The following AKTIP variants were observed in gnomAD, a reference collection of about 807,000 sequenced individuals.
The protein encoded by AKTIP is AKT-interacting protein.
AKTIP carries 16 observed loss-of-function variants against 39.1 expected under a neutral mutation model. That is an observed-to-expected ratio of 0.41 (90% CI 0.28 to 0.62). AKTIP has a LOEUF of 0.62. Ranked by LOEUF, AKTIP falls within the 20% of genes least tolerant of loss-of-function variation. The probability of loss-of-function intolerance (pLI) is 0.32; values close to 1 mark genes in which losing one functional copy is unlikely to be tolerated. For missense variants in AKTIP, 262 were observed against 356.6 expected (o/e 0.73, Z 2.14); for synonymous variants, 93 against 124.3 (o/e 0.75, Z 1.67).
chr16:53,498,279 T>C, intron 3 of AKTIP, 112 bp downstream of exon 3: 2 of 1,101,836 alleles, frequency 1.8e-6, no homozygotes, highest in East Asian at 4.7e-5. Context: ...AAGGGACAGG[T>C]TTGAGCTTTG....
At position 53,495,065 on chromosome 16, in the gene AKTIP, C is replaced by T. The variant is rs1961746988; in HGVS notation, c.414+8G>A. 6.2e-7 allele frequency: 1 copy of T among 1,611,376 alleles called. No individual in the cohort carries two copies. The highest frequency in any genetic ancestry group is 1.3e-5 in the African/African-American group (1 of 74,864). On this transcript the variant is annotated splice_region_variant and intron_variant, in intron 5 of 9. Transcript: ENST00000394657. ...CACAAATAAAGCCAGACTGTGTCTCCAACTTACTGGACAGTCACCATCTGG... is the reference window on the plus strand; with the variant it reads ...CACAAATAAAGCCAGACTGTGTCTCTAACTTACTGGACAGTCACCATCTGG...
intron 3 of AKTIP, 59 bp from the exon 4 acceptor site, chr16:53,495,385 C>G: frequency 6.6e-7 from 1 of 1,521,334 alleles, no homozygotes; most frequent in Non-Finnish European, 9.1e-7. Context: ...GCAGATCAAA[C>G]CACCCCACAT....
At chr16:53,499,487 GCT>G (rs746117232) in intron 2 of AKTIP, among the ~76,000 whole-genome samples, 21 of 135,724 alleles carry the variant, frequency 1.5e-4, no homozygotes, top group Non-Finnish European at 2.6e-4. Flanking sequence ...ATGGAGTCTT[GCT>G]CTGTTGCCCA....
Position 53,495,180 on chromosome 16 carries a change from G to GA in AKTIP, c.314-8dup. 1 of 1,611,950 alleles carries GA rather than the reference G, an allele frequency of 6.2e-7. No individual in the cohort carries two copies. The highest frequency in any genetic ancestry group is 8.5e-7 in the Non-Finnish European group (1 of 1,178,806). ...AATATTACTCCAAACCACACTGTAG[G>GA]AAAAAATAAAAGAGTTAAGGCCTAA... On this transcript the variant is annotated splice_region_variant and splice_polypyrimidine_tract_variant and intron_variant, in intron 4 of 9. Coordinates refer to ENST00000394657, the MANE Select transcript of AKTIP (RefSeq NM_022476.4).
rs2150853819 is a variant in AKTIP, at chr16:53,495,059, T to C, written c.414+14A>G. On this transcript the variant is annotated intron_variant, in intron 5 of 9. Coordinates refer to ENST00000394657, the MANE Select transcript of AKTIP (RefSeq NM_022476.4). The stretch of plus-strand genomic sequence containing the variant: ...CTGATCCACAAATAAAGCCAGACTG[T>C]GTCTCCAACTTACTGGACAGTCACC... The C allele has an allele frequency of 6.2e-7, 1 of 1,606,818 alleles. No homozygotes were observed.
intron 2 of AKTIP, 86 bp from the exon 3 acceptor site, chr16:53,498,682 G>A: frequency 1.5e-6 from 2 of 1,328,140 alleles, no homozygotes; most frequent in East Asian, 2.3e-5. Context: ...CCTAAATGCT[G>A]GAATTACTCC....
chr16:53,495,528 C>G lies in AKTIP; in HGVS notation c.249-202G>C, dbSNP rs142159878. ...CCTGATCGCTGCCCACTACTGGCCT[C>G]ATAGCAGCAGCTCACAGAGAAACCA... On this transcript the variant is annotated intron_variant, in intron 3 of 9. Coordinates refer to ENST00000394657, the MANE Select transcript of AKTIP (RefSeq NM_022476.4). Among the ~76,000 whole-genome samples, 274 of 152,320 alleles carry G rather than the reference C, an allele frequency of 1.8e-3. 2 individuals are homozygous for G. In the Middle Eastern group the frequency reaches 0.02, roughly 11 times the overall value.
chr16:53,494,944 C>T (rs79779478), intron 5 of AKTIP, 129 bp downstream of exon 5: 307 of 873,392 alleles, frequency 3.5e-4, no homozygotes, highest in Non-Finnish European at 5.3e-4. Flanking sequence ...GCACAGAAGT[C>T]CCCCTGGACA....
At chr16:53,493,977 C>A in intron 8 of AKTIP, 161 bp downstream of exon 8, 1 of 598,828 alleles carries the variant, frequency 1.7e-6, no homozygotes. Flanking sequence ...AGAAGAGCCT[C>A]AAGAGGCATC....
chr16:53,494,802 C>T, intron 5 of AKTIP, 197 bp from the exon 6 acceptor site: 2 of 698,934 alleles, frequency 2.9e-6, no homozygotes, highest in Non-Finnish European at 5.0e-6. Context: ...GGGGAAAACT[C>T]CCTCTCCTCC....
At chr16:53,496,321 C>A (rs1961830079) in intron 3 of AKTIP, among the ~76,000 whole-genome samples, 1 of 152,028 alleles carries the variant, frequency 6.6e-6, no homozygotes, top group African/African-American at 2.4e-5. Flanking sequence ...TTAATCACCC[C>A]AATAGACGCC....
At chr16:53,503,708 C>A (rs963619011), upstream of AKTIP, among the ~76,000 whole-genome samples, 1 of 152,200 alleles carries the variant, frequency 6.6e-6, no homozygotes, top group Non-Finnish European at 1.5e-5. Context: ...CGCGACTGCC[C>A]AGTGGCTCCC....
In AKTIP at chr16:53,500,300, C is replaced by A; in HGVS notation, c.-41G>T. 1 of 1,603,764 alleles carries A rather than the reference C, an allele frequency of 6.2e-7. No homozygotes were observed. The highest frequency in any genetic ancestry group is 8.5e-7 in the Non-Finnish European group (1 of 1,176,870). ...CAAAGAAAGTCAGTGGTGTATCATC[C>A]AAATCTTCTGTCTTCGGCATTCACT... is the stretch of plus-strand genomic sequence containing the variant. On this transcript the variant is annotated 5_prime_UTR_variant, in exon 2 of 10. Coordinates refer to ENST00000394657, the MANE Select transcript of AKTIP (RefSeq NM_022476.4).
intron 8 of AKTIP, 22 bp from the exon 9 acceptor site, chr16:53,492,775 T>C: frequency 6.2e-7 from 1 of 1,606,606 alleles, no homozygotes; most frequent in Non-Finnish European, 8.5e-7. Flanking sequence ...GAAAAGTATT[T>C]AAAAACTATT....
chr16:53,501,150 TAAGAG>T (rs1421805151), intron 1 of AKTIP: 1 of 152,056 alleles, frequency 6.6e-6, no homozygotes, highest in African/African-American at 2.4e-5. Flanking sequence ...GCCAAAGAAA[TAAGAG>T]AAAACAGGAA....
chr16:53,499,550 C>T (rs1962046088), intron 2 of AKTIP, among the ~76,000 whole-genome samples: 1 of 151,364 alleles, frequency 6.6e-6, no homozygotes, highest in Admixed American at 6.6e-5. Context: ...AGCTTTGCCT[C>T]CTGGGTTGAC....
chr16:53,497,200 C>T (rs565607709), intron 3 of AKTIP, among the ~76,000 whole-genome samples: 1 of 152,218 alleles, frequency 6.6e-6, no homozygotes, highest in Non-Finnish European at 1.5e-5. Flanking sequence ...TAATGAAATG[C>T]CATCTGCGTC....
chr16:53,494,929 G>A (rs1018526669), intron 5 of AKTIP, 144 bp downstream of exon 5: 4 of 827,624 alleles, frequency 4.8e-6, no homozygotes, highest in Non-Finnish European at 8.2e-6. Context: ...GGAAGCTGCT[G>A]CAAAGCACAG....
chr16:53,495,940 T>G (rs1961805550), intron 3 of AKTIP, among the ~76,000 whole-genome samples: 2 of 152,196 alleles, frequency 1.3e-5, no homozygotes, highest in African/African-American at 4.8e-5. Flanking sequence ...TGCTCTCAAA[T>G]GGACACCCTG....
Sources: allele counts gnomAD v4.1 joint callset (sites outside exome capture counted in the v4.1 genomes callset), GRCh38; gene constraint gnomAD v4.1.1; transcripts MANE v1.5; gene names NCBI Gene and HGNC (gene_info 2026-07-23, HGNC 2026-07-21).